Variants in PLEKHG2 observed in about 807,000 individuals in gnomAD.
PLEKHG2 encodes the protein pleckstrin homology domain-containing family G member 2.
In PLEKHG2, 71 loss-of-function variants were observed where a neutral mutation model predicts 104.4. That is an observed-to-expected ratio of 0.68 (90% CI 0.56 to 0.83). The LOEUF is 0.83. Ranked by LOEUF, PLEKHG2 falls within the 40% of genes least tolerant of loss-of-function variation. The pLI, the probability that PLEKHG2 is intolerant of heterozygous loss-of-function variation, is 0.00. For synonymous variants in PLEKHG2, 728 were observed against 737.0 expected (o/e 0.99, Z 0.20); for missense variants, 1,730 against 1,809.4 (o/e 0.96, Z 0.80).
In PLEKHG2 at chr19:39,422,157, C is replaced by A; in HGVS notation, c.1546C>A (p.Pro516Thr). The change falls in exon 17 of 19, where the codon CCA becomes ACA. Residue 516 changes from proline to threonine, a missense_variant. Pro to Thr is a conservative substitution (Grantham distance 38, BLOSUM62 -1). Transcript: ENST00000425673. ...EGELYPPESQPPVSGSAPPED... is the reference protein window; with the variant it reads ...EGELYPPESQTPVSGSAPPED... ...GGAACTCTACCCTCCAGAATCTCAG[C>A]CACCAGTTTCAGGCTCTGCACCCCC... The A allele has an allele frequency of 6.2e-7, 1 of 1,612,428 alleles. No individual in the cohort carries two copies. Among genetic ancestry groups the A allele is most frequent in the Non-Finnish European group, 8.5e-7 (1 of 1,179,352 alleles).
intron 2 of PLEKHG2, among the ~76,000 whole-genome samples, chr19:39,414,648 C>T (rs1481155264): frequency 6.6e-6 from 1 of 152,126 alleles, no homozygotes; most frequent in Non-Finnish European, 1.5e-5. Context: ...TCTGTGTTGG[C>T]CACATTGCCC....
Position 39,425,092 on chromosome 19 carries a change from CCCCCCAGCCCCAGCCACCACCT to C in PLEKHG2, c.3969_3990del (p.Gln1324GlyfsTer28). 1 of 1,587,806 alleles carries C rather than the reference CCCCCCAGCCCCAGCCACCACCT, an allele frequency of 6.3e-7. No individual in the cohort carries two copies. The highest frequency in any genetic ancestry group is 8.6e-7 in the Non-Finnish European group (1 of 1,167,248). On this transcript the variant is annotated frameshift_variant, in exon 19 of 19. Transcript: ENST00000425673. LOFTEE classifies it high-confidence loss of function. ...CCCACGTCACGGGCATCTTCGCCGC[CCCCCCAGCCCCAGCCACCACCT>C]CCCCCAGCCAGGCGGCTCAGCTATG...
Position 39,424,183 on chromosome 19 carries a change from C to T in PLEKHG2, c.3050C>T (p.Pro1017Leu), listed in dbSNP as rs374835908. 1 of 1,614,072 alleles carries T rather than the reference C, an allele frequency of 6.2e-7. No individual in the cohort carries two copies. The highest frequency in any genetic ancestry group is 8.5e-7 in the Non-Finnish European group (1 of 1,180,038). ...GGACACTGTGCGGACATCCACGTTCCCACCACTCCAGCTTTGCCCAAGGAG... is the reference window on the plus strand; with the variant it reads ...GGACACTGTGCGGACATCCACGTTCTCACCACTCCAGCTTTGCCCAAGGAG... Reference protein sequence around the residue: ...EQGHCADIHVPTTPALPKEIC... With the variant: ...EQGHCADIHVLTTPALPKEIC... Residue 1017 changes from proline (P) to leucine (L), a missense_variant, in exon 19 of 19, where the codon CCC (proline) becomes CTC (leucine). Transcript: ENST00000425673.
At position 39,422,139 on chromosome 19, in the gene PLEKHG2, T is replaced by C. The variant is rs2078707865; in HGVS notation, c.1528T>C (p.Tyr510His). ...FKHAGSEGEL[Y>H]PPESQPPVSG... ...GCACGCTGGCAGCGAAGGGGAACTC[T>C]ACCCTCCAGAATCTCAGCCACCAGT... The change falls in exon 17 of 19, where the codon TAC (tyrosine) becomes CAC (histidine). Residue 510 changes from tyrosine to histidine, a missense_variant. By Grantham distance (83) the Tyr-to-His change is moderately conservative. Transcript: ENST00000425673. The C allele has an allele frequency of 6.2e-7, 1 of 1,611,566 alleles. No individual in the cohort carries two copies. Among genetic ancestry groups the C allele is most frequent in the Non-Finnish European group, 8.5e-7 (1 of 1,179,052 alleles).
rs1426928310 is a variant in PLEKHG2 at position 39,415,856 on chromosome 19, C to G, written c.479+417C>G. Among the ~76,000 whole-genome samples the G allele has an allele frequency of 6.6e-6, 1 of 152,174 alleles. No homozygotes were observed. Among genetic ancestry groups the G allele is most frequent in the Non-Finnish European group, 1.5e-5 (1 of 68,034 alleles). On this transcript the variant is annotated intron_variant, in intron 4 of 18. Transcript: ENST00000425673. The surrounding 1 kb of genome is among the most constrained non-coding windows in gnomAD (Gnocchi z 4.6). ...ATATGGGGCCTGAAGGCCGAGACAG[C>G]GTGAGCATGCGAGTGACCCCCTAAG... is the stretch of plus-strand genomic sequence containing the variant.
rs1025926484 is a variant in PLEKHG2, at chr19:39,415,507, C to CGGAGCT, written c.479+69_479+74dup. 12 of 1,539,626 alleles carry CGGAGCT rather than the reference C, an allele frequency of 7.8e-6. No homozygotes were observed. In the Admixed American group the frequency reaches 1.6e-4, roughly 21 times the overall value. Reference sequence around the variant, plus strand: ...AGGGTCTATTTCCTAATCCAAACCTCGGAGCTTCGTAGTGTCCTGTCCAGG... The same window carrying CGGAGCT: ...AGGGTCTATTTCCTAATCCAAACCTCGGAGCTGGAGCTTCGTAGTGTCCTGTCCAGG... On this transcript the variant is annotated intron_variant, in intron 4 of 18. Transcript: ENST00000425673. The surrounding 1 kb of genome is among the most constrained non-coding windows in gnomAD (Gnocchi z 4.6).
Position 39,418,053 on chromosome 19 carries a change from T to G in PLEKHG2, c.1031T>G (p.Leu344Arg). ...CTGCTCTTCCTGTTCTCTCGGATGC[T>G]GCTGGTGGCCAAGCGCAGGGGGCTG... ...ERLLFLFSRM[L>R]LVAKRRGLEY... The change falls in exon 9 of 19, where the codon CTG becomes CGG. Residue 344 changes from leucine to arginine, a missense_variant. By Grantham distance (102) the Leu-to-Arg change is moderately radical (BLOSUM62 -2). Transcript: ENST00000425673. The G allele has an allele frequency of 1.3e-6, 2 of 1,545,636 alleles. No homozygotes were observed. The highest frequency in any genetic ancestry group is 1.7e-6 in the Non-Finnish European group (2 of 1,146,436).
At chr19:39,418,368 C>G (rs1471711599) in intron 9 of PLEKHG2, among the ~76,000 whole-genome samples, 1 of 152,094 alleles carries the variant, frequency 6.6e-6, no homozygotes, top group East Asian at 1.9e-4. Context: ...CACTTGAGGT[C>G]AGGAGTTCGA....
intron 8 of PLEKHG2, 63 bp downstream of exon 8, chr19:39,417,755 G>GGGGGGGGC: frequency 6.6e-7 from 1 of 1,525,364 alleles, no homozygotes; most frequent in Non-Finnish European, 8.8e-7. Flanking sequence ...CTTGGGGCGG[G>GGGGGGGGC]TGGGGGGAAA....
intron 11 of PLEKHG2, 112 bp from the exon 12 acceptor site, chr19:39,420,514 A>G (rs1308144984): frequency 1.4e-6 from 2 of 1,384,942 alleles, no homozygotes; most frequent in African/African-American, 1.4e-5. Flanking sequence ...ATAGAGCAAG[A>G]TCTAAAAACA....
In PLEKHG2 at chr19:39,424,571, GC is replaced by G. The variant is rs1477824744; in HGVS notation, c.3442del (p.Leu1148CysfsTer57). ...CTCAGGTTCCAGCTACCACACCTTT[GC>G]CCCTGCCACAAGTCCTCACAGACAT... ...DTQVPATTPL[P>X]LPQVLTDIWV... On this transcript the variant is annotated frameshift_variant, in exon 19 of 19. Coordinates refer to ENST00000425673, the MANE Select transcript of PLEKHG2 (RefSeq NM_022835.3). LOFTEE classifies it low-confidence loss of function (END_TRUNC). 1 of 1,613,850 alleles carries G rather than the reference GC, an allele frequency of 6.2e-7. No individual in the cohort carries two copies. The highest frequency in any genetic ancestry group is 8.5e-7 in the Non-Finnish European group (1 of 1,180,014).
At position 39,416,642 on chromosome 19, in the gene PLEKHG2, G is replaced by A. The variant is rs921401311; in HGVS notation, c.593+45G>A. ...GCTGGGCCTCAGGCTGTGCCCACAA[G>A]CTGATGTGCCAGTCACCCGTCACCC... On this transcript the variant is annotated intron_variant, in intron 6 of 18. Coordinates refer to ENST00000425673, the MANE Select transcript of PLEKHG2 (RefSeq NM_022835.3). The surrounding 1 kb of genome is among the most constrained non-coding windows in gnomAD (Gnocchi z 4.5). The A allele has an allele frequency of 1.2e-6, 2 of 1,608,046 alleles. No individual in the cohort carries two copies. The highest frequency in any genetic ancestry group is 2.7e-5 in the African/African-American group (2 of 74,796).
Position 39,423,703 on chromosome 19 carries a change from G to A in PLEKHG2, c.2600-30G>A, listed in dbSNP as rs771453678. ...AGAGGTGGTCCCCGCTGGAGTAGTG[G>A]TCCTGACTCGATCCTCTTTTCGCAT... On this transcript the variant is annotated intron_variant, in intron 18 of 18. Coordinates refer to ENST00000425673, the MANE Select transcript of PLEKHG2 (RefSeq NM_022835.3). 129 of 1,589,668 alleles carry A rather than the reference G, an allele frequency of 8.1e-5. 3 individuals carry two copies. The Middle Eastern group carries it at 2.2e-3, about 27-fold the overall frequency.
intron 2 of PLEKHG2, 126 bp downstream of exon 2, chr19:39,414,321 G>A (rs1186482823): frequency 6.2e-5 from 61 of 981,814 alleles, no homozygotes; most frequent in Non-Finnish European, 8.1e-5. Context: ...TGGGGAAGGC[G>A]GGCCCATCCC....
rs776309713 is a variant in PLEKHG2 at position 39,425,294 on chromosome 19, A to G, written c.4161A>G (p.Ter1387TrpextTer4). The G allele has an allele frequency of 3.7e-6, 6 of 1,605,224 alleles. No homozygotes were observed. Among genetic ancestry groups the G allele is most frequent in the Non-Finnish European group, 5.1e-6 (6 of 1,177,632 alleles). ...CTCCTGATGCCCCCTTCCACATGTG[A>G]GCCAGGACATGAGGCTTCCCTGAAG... ...QGAPDAPFHM* is the reference protein window; with the variant it reads ...QGAPDAPFHMW Residue 1387 changes from the stop codon to tryptophan, a stop_lost, in exon 19 of 19, where the codon TGA becomes TGG. Transcript: ENST00000425673.
Position 39,415,120 on chromosome 19 carries a change from C to T in PLEKHG2, c.238C>T (p.Leu80Phe), listed in dbSNP as rs1302296687. The change falls in exon 3 of 19, where the codon CTT becomes TTT. Residue 80 changes from leucine (L) to phenylalanine (F), a missense_variant. Physicochemically the swap from Leu to Phe is conservative, Grantham distance 22. Coordinates refer to ENST00000425673, the MANE Select transcript of PLEKHG2 (RefSeq NM_022835.3). The surrounding 1 kb of genome is among the most constrained non-coding windows in gnomAD (Gnocchi z 4.6). ...CTGCTCAGCCTCCAGGCCAGAGCCCCTTCCAGGGCCTCCCATCCGCCTACA... is the reference window on the plus strand; with the variant it reads ...CTGCTCAGCCTCCAGGCCAGAGCCCTTTCCAGGGCCTCCCATCCGCCTACA... The part of the protein sequence containing the change: ...PACSASRPEP[L>F]PGPPIRLHLS... 1.3e-6 allele frequency: 2 copies of T among 1,598,468 alleles called. No homozygotes were observed. The highest frequency in any genetic ancestry group is 2.3e-5 in the East Asian group (1 of 43,884).
At position 39,423,775 on chromosome 19, in the gene PLEKHG2, C is replaced by A. The variant is rs978203705; in HGVS notation, c.2642C>A (p.Ala881Asp). 2 of 1,613,722 alleles carry A rather than the reference C, an allele frequency of 1.2e-6. No homozygotes were observed. The highest frequency in any genetic ancestry group is 2.7e-5 in the African/African-American group (2 of 74,924). Residue 881 changes from alanine to aspartate, a missense_variant, in exon 19 of 19, where the codon GCC (alanine) becomes GAC (aspartate). Coordinates refer to ENST00000425673, the MANE Select transcript of PLEKHG2 (RefSeq NM_022835.3). The part of the protein sequence containing the change: ...AFGHVLVCEL[A>D]FPLTCAQESV... The stretch of plus-strand genomic sequence containing the variant: ...GGACACGTGCTGGTATGTGAGCTGG[C>A]CTTCCCACTGACATGTGCCCAGGAG...
Position 39,414,065 on chromosome 19 carries a change from G to T in PLEKHG2, c.-22G>T. On this transcript the variant is annotated splice_region_variant and 5_prime_UTR_variant, in exon 2 of 19. Coordinates refer to ENST00000425673, the MANE Select transcript of PLEKHG2 (RefSeq NM_022835.3). ...ATCCAAGAAGGGGCTCTTTCTGCAGGACTCTGCTGGGCCGCTCAGCCATGC... is the reference window on the plus strand; with the variant it reads ...ATCCAAGAAGGGGCTCTTTCTGCAGTACTCTGCTGGGCCGCTCAGCCATGC... 1 of 1,546,546 alleles carries T rather than the reference G, an allele frequency of 6.5e-7. No homozygotes were observed. Among genetic ancestry groups the T allele is most frequent in the South Asian group, 1.2e-5 (1 of 83,912 alleles).
At position 39,414,207 on chromosome 19, in the gene PLEKHG2, G is replaced by C. The variant is rs1309294945; in HGVS notation, c.109+12G>C. 2 of 1,550,318 alleles carry C rather than the reference G, an allele frequency of 1.3e-6. No individual in the cohort carries two copies. On this transcript the variant is annotated intron_variant, in intron 2 of 18. Transcript: ENST00000425673. The stretch of plus-strand genomic sequence containing the variant: ...TGAGACTCGGACAGGTGAGCCTAGA[G>C]GCAGGGGCGGCGGAGCCTGTGGGGC...
Sources: allele counts gnomAD v4.1 joint callset (sites outside exome capture counted in the v4.1 genomes callset), GRCh38; gene constraint gnomAD v4.1.1; non-coding constraint Gnocchi (gnomAD v3.1); transcripts MANE v1.5; gene names NCBI Gene and HGNC (gene_info 2026-07-23, HGNC 2026-07-21).